The following ZFYVE9 variants were observed in gnomAD, a reference collection of about 807,000 sequenced individuals.
The protein encoded by ZFYVE9 is zinc finger FYVE-type containing 9.
ZFYVE9 carries 43 observed loss-of-function variants against 126.7 expected under a neutral mutation model. That is an observed-to-expected ratio of 0.34 (90% confidence interval 0.27 to 0.44). The LOEUF (loss-of-function observed/expected upper bound fraction) is 0.44, where lower values mean the gene tolerates loss of function less well. Ranked by LOEUF, ZFYVE9 falls within the 20% of genes least tolerant of loss-of-function variation. The pLI, the probability that ZFYVE9 is intolerant of heterozygous loss-of-function variation, is 1.00. For synonymous variants in ZFYVE9, 521 were observed against 597.4 expected, an observed-to-expected ratio of 0.87 and a Z score of 1.87; for missense variants, 1,476 against 1,697.0, an observed-to-expected ratio of 0.87 and a Z score of 2.29.
chr1:52,327,721 C>T lies in ZFYVE9; in HGVS notation c.3439-5047C>T, dbSNP rs545681900. Among the ~76,000 whole-genome samples the T allele has an allele frequency of 2.0e-5, 3 of 152,204 alleles. No homozygotes were observed. In the South Asian group the frequency reaches 6.2e-4, roughly 32 times the overall value. On this transcript the variant is annotated intron_variant, in intron 13 of 18. Transcript: ENST00000287727. ...GGGCGCGATGGCTCACGCATGTGAT[C>T]CCATCACTTTGGGAGGCCGAGGTGG...
intron 1 of ZFYVE9, among the ~76,000 whole-genome samples, chr1:52,170,934 T>C (rs935677078): frequency 1.3e-5 from 2 of 152,176 alleles, no homozygotes; most frequent in Non-Finnish European, 2.9e-5. Flanking sequence ...TCTGCAGTTA[T>C]TGGATGAAAT....
At chr1:52,263,904 A>G in intron 5 of ZFYVE9, 32 bp downstream of exon 5, 6 of 1,435,002 alleles carry the variant, frequency 4.2e-6, no homozygotes, top group Non-Finnish European at 5.7e-6. Context: ...TTTCATAGTT[A>G]TTGAGACAAA....
At chr1:52,212,171 G>T (rs1645034333) in intron 1 of ZFYVE9, among the ~76,000 whole-genome samples, 1 of 151,982 alleles carries the variant, frequency 6.6e-6, no homozygotes, top group Non-Finnish European at 1.5e-5. Flanking sequence ...TTGAGACAAG[G>T]TCTGACTCTG....
intron 1 of ZFYVE9, among the ~76,000 whole-genome samples, chr1:52,168,168 TTG>T (rs111618263): frequency 0.014 from 2,187 of 152,020 alleles, 71 homozygotes; most frequent in African/African-American, 0.051. Context: ...CAAATTAAGT[TTG>T]TGTTACAGAT....
chr1:52,345,052 GC>G, intron 18 of ZFYVE9, 108 bp downstream of exon 18: 1 of 1,234,242 alleles, frequency 8.1e-7, no homozygotes, highest in Non-Finnish European at 1.2e-6. Flanking sequence ...CGACCTTCTG[GC>G]CTGACTGGAT....
rs1289229092 is a variant in ZFYVE9 at position 52,238,680 on chromosome 1, G to A, written c.1263G>A (p.Lys421=). ...NDSQVNEEKE[K]FLQISQPEDT... is the part of the protein sequence containing the mutation. ...GCCAAGTAAACGAAGAAAAGGAAAA[G>A]TTTCTACAGATTAGTCAGCCTGAGG... The change falls in exon 4 of 19, where the codon AAG becomes AAA. Residue 421 remains lysine (K), a synonymous_variant. Transcript: ENST00000287727. 4 of 1,613,968 alleles carry A rather than the reference G, an allele frequency of 2.5e-6. No homozygotes were observed. Among genetic ancestry groups the A allele is most frequent in the Non-Finnish European group, 3.4e-6 (4 of 1,179,986 alleles).
At chr1:52,208,227 C>T (rs931259252) in intron 1 of ZFYVE9, among the ~76,000 whole-genome samples, 14 of 152,012 alleles carry the variant, frequency 9.2e-5, no homozygotes, top group Admixed American at 2.0e-4. Context: ...ATTTTTGTAC[C>T]AGTGTTGCTT....
chr1:52,331,644 C>G (rs1277698950), intron 13 of ZFYVE9, among the ~76,000 whole-genome samples: 1 of 149,962 alleles, frequency 6.7e-6, no homozygotes, highest in Admixed American at 6.6e-5. Flanking sequence ...CCCAGCTACT[C>G]GGGAGGCTGA....
chr1:52,267,945 A>G (rs139852599), intron 6 of ZFYVE9, among the ~76,000 whole-genome samples: 2 of 152,274 alleles, frequency 1.3e-5, no homozygotes, highest in Non-Finnish European at 2.9e-5. Context: ...TTGCTTCCCA[A>G]TTCTTACATA....
At chr1:52,289,914 A>G (rs1645900934) in intron 10 of ZFYVE9, among the ~76,000 whole-genome samples, 2 of 152,360 alleles carry the variant, frequency 1.3e-5, no homozygotes, top group African/African-American at 4.8e-5. Flanking sequence ...TGTGGAAAAT[A>G]ACTACCAATA....
chr1:52,158,825 C>T (rs1408671931), intron 1 of ZFYVE9, among the ~76,000 whole-genome samples: 2 of 148,088 alleles, frequency 1.4e-5, no homozygotes, highest in Non-Finnish European at 3.0e-5. Flanking sequence ...TTTTTTGAAA[C>T]TGAGTCACCC....
At chr1:52,333,906 C>T (rs1359020406) in intron 14 of ZFYVE9, among the ~76,000 whole-genome samples, 2 of 151,612 alleles carry the variant, frequency 1.3e-5, no homozygotes, top group Non-Finnish European at 2.9e-5. Context: ...GCCTGACCAA[C>T]GTGGTGAAAC....
intron 10 of ZFYVE9, among the ~76,000 whole-genome samples, chr1:52,287,949 A>C (rs1055789629): frequency 7.9e-5 from 12 of 152,202 alleles, no homozygotes; most frequent in African/African-American, 2.7e-4. Context: ...TATTAGAATT[A>C]TGGTATTGTA....
chr1:52,181,968 C>T (rs1417230421), intron 1 of ZFYVE9, among the ~76,000 whole-genome samples: 1 of 151,782 alleles, frequency 6.6e-6, no homozygotes, highest in Non-Finnish European at 1.5e-5. Context: ...CAGCCACCGC[C>T]AGGCCAGCCG....
chr1:52,234,925 T>C (rs113882715), intron 3 of ZFYVE9, among the ~76,000 whole-genome samples: 1 of 152,230 alleles, frequency 6.6e-6, no homozygotes, highest in African/African-American at 2.4e-5. Context: ...CACCTAATCA[T>C]GTGAATACTA....
chr1:52,315,582 T>C (rs188147445), intron 13 of ZFYVE9, among the ~76,000 whole-genome samples: 61 of 152,192 alleles, frequency 4.0e-4, no homozygotes, highest in Middle Eastern at 3.4e-3. Flanking sequence ...AGTTTATTGA[T>C]AAGTTAAAGA....
intron 7 of ZFYVE9, among the ~76,000 whole-genome samples, chr1:52,271,518 C>T (rs899942317): frequency 1.3e-5 from 2 of 152,120 alleles, no homozygotes; most frequent in African/African-American, 4.8e-5. Flanking sequence ...TGGTTTGCTG[C>T]ACCCATCAAC....
At chr1:52,305,259 G>A (rs946592255) in intron 13 of ZFYVE9, among the ~76,000 whole-genome samples, 7 of 152,088 alleles carry the variant, frequency 4.6e-5, no homozygotes, top group African/African-American at 1.7e-4. Context: ...TGGCCAACGT[G>A]GTGAAACCCC....
At chr1:52,188,396 A>G (rs1411128998) in intron 1 of ZFYVE9, among the ~76,000 whole-genome samples, 2 of 152,186 alleles carry the variant, frequency 1.3e-5, no homozygotes, top group Non-Finnish European at 2.9e-5. Flanking sequence ...TACCTGGGTG[A>G]CAAAATAATT....
Sources: gnomAD v4.1 joint callset for allele counts (sites outside exome capture counted in the v4.1 genomes callset) on GRCh38, gnomAD v4.1.1 for gene constraint, MANE v1.5 for transcripts, NCBI Gene and HGNC (gene_info 2026-07-23, HGNC 2026-07-21) for gene names.